PSAP: variants seen among roughly 807,000 people sequenced by gnomAD.
PSAP encodes the protein precursor of saposins.
In PSAP, 25 loss-of-function variants were observed where a neutral mutation model predicts 66.0. The observed-to-expected ratio is 0.38, with a 90% CI of 0.28 to 0.53. The LOEUF (loss-of-function observed/expected upper bound fraction) is 0.53, where lower values mean the gene tolerates loss of function less well. Ranked by LOEUF, PSAP falls within the 20% of genes least tolerant of loss-of-function variation. The probability of loss-of-function intolerance (pLI) is 0.83; values close to 1 mark genes in which losing one functional copy is unlikely to be tolerated. For synonymous variants in PSAP, 273 were observed against 258.9 expected, an observed-to-expected ratio of 1.05 and a Z score of -0.52; for missense variants, 649 against 668.8, an observed-to-expected ratio of 0.97 and a Z score of 0.33.
intron 8 of PSAP, 76 bp from the exon 9 acceptor site, chr10:71,820,411 G>C (rs2133033160): frequency 1.6e-6 from 2 of 1,235,710 alleles, no homozygotes; most frequent in Admixed American, 1.7e-5. Context: ...TAAAGGAAAG[G>C]GGACACAGAG....
chr10:71,831,703 C>A, intron 3 of PSAP, 143 bp downstream of exon 3: 1 of 835,206 alleles, frequency 1.2e-6, no homozygotes, highest in Non-Finnish European at 2.1e-6. Context: ...ACCCTAAAAT[C>A]TTTTCTCCTT....
intron 7 of PSAP, among the ~76,000 whole-genome samples, chr10:71,822,877 G>A (rs117850468): frequency 1.0e-3 from 155 of 152,152 alleles, no homozygotes; most frequent in Non-Finnish European, 1.8e-3. Flanking sequence ...AAGAAGGTTC[G>A]AGAATTAATA....
In PSAP at chr10:71,818,709, G is replaced by A. The variant is rs549060824; in HGVS notation, c.1447C>T (p.Pro483Ser). ...SFVCLKIGAC[P>S]SAHKPLLGTE... ...CCCAACAAGGGCTTATGGGCCGAGG[G>A]GCAGGCTCCAATTTTCTATATGGTG... The change falls in exon 13 of 14, where the codon CCC becomes TCC. Residue 483 changes from proline (P) to serine (S), a missense_variant. By Grantham distance (74) the Pro-to-Ser change is moderately conservative. Transcript: ENST00000394936. The A allele has an allele frequency of 5.6e-6, 9 of 1,614,054 alleles. No individual in the cohort carries two copies. The highest frequency in any genetic ancestry group is 7.6e-6 in the Non-Finnish European group (9 of 1,179,920).
At chr10:71,833,630 G>C (rs1345572050) in intron 2 of PSAP, among the ~76,000 whole-genome samples, 2 of 152,224 alleles carry the variant, frequency 1.3e-5, no homozygotes, top group African/African-American at 2.4e-5. Flanking sequence ...CGTACCACAT[G>C]ATGGCCGGCA....
In PSAP at chr10:71,828,149, C is replaced by T. The variant is rs1169242345; in HGVS notation, c.585G>A (p.Gly195=). 1.2e-6 allele frequency: 2 copies of T among 1,613,992 alleles called. No individual in the cohort carries two copies. The highest frequency in any genetic ancestry group is 1.3e-5 in the African/African-American group (1 of 74,902). ...TCTGAATGCAGTCCTGGCAAACGTC[C>T]CCATTATCCTACAGAAGAGGCAGTT... The part of the protein sequence containing the change: ...PRSKPQPKDN[G]DVCQDCIQMV... Residue 195 remains glycine, a synonymous_variant, in exon 6 of 14, where the codon GGG becomes GGA. Coordinates refer to ENST00000394936, the MANE Select transcript of PSAP (RefSeq NM_002778.4).
rs121918109 is a variant in PSAP, at chr10:71,819,527, G to A, written c.1288C>T (p.Gln430Ter). The part of the protein sequence containing the change: ...DRNLEKNSTK[Q>*]EILAALEKGC... ...TTCTCAAGAGCAGCCAGGATCTCCT[G>A]CTTGGTGCTGTTTTTCTCCAGGTTG... Residue 430 changes from glutamine (Q) to a stop codon, truncating the protein, a stop_gained, in exon 11 of 14, where the codon CAG becomes TAG. Transcript: ENST00000394936. LOFTEE classifies it high-confidence loss of function. The A allele has an allele frequency of 6.2e-7, 1 of 1,614,232 alleles. No individual in the cohort carries two copies. Among genetic ancestry groups the A allele is most frequent in the Non-Finnish European group, 8.5e-7 (1 of 1,180,042 alleles).
chr10:71,828,529 C>A (rs561659893), intron 5 of PSAP, among the ~76,000 whole-genome samples: 10 of 152,180 alleles, frequency 6.6e-5, no homozygotes, highest in African/African-American at 2.4e-4. Flanking sequence ...TTTGTACTCC[C>A]AGCTACTTAG....
chr10:71,834,715 G>A (rs1468334224), intron 1 of PSAP, among the ~76,000 whole-genome samples: 1 of 152,248 alleles, frequency 6.6e-6, no homozygotes, highest in Non-Finnish European at 1.5e-5. Flanking sequence ...AGGGACTCAT[G>A]TATCTGGTTC....
At chr10:71,822,583 G>A (rs1224042260) in intron 7 of PSAP, 6 of 472,006 alleles carry the variant, frequency 1.3e-5, no homozygotes, top group Non-Finnish European at 2.6e-5. Flanking sequence ...ATCATTTTAA[G>A]CCACAAGGTC....
At chr10:71,849,401 G>A (rs1842881813) in intron 1 of PSAP, among the ~76,000 whole-genome samples, 2 of 152,118 alleles carry the variant, frequency 1.3e-5, no homozygotes. Flanking sequence ...GTTAAAAATG[G>A]CAGCCAGCCC....
chr10:71,817,017 G>A lies in PSAP; in HGVS notation c.*424C>T. The A allele has an allele frequency of 4.0e-6, 1 of 251,750 alleles. No individual in the cohort carries two copies. Among genetic ancestry groups the A allele is most frequent in the Non-Finnish European group, 7.8e-6 (1 of 128,882 alleles). The allele number at this position is 251,750 out of a possible 1,614,324, so 15.6% of individuals were successfully genotyped here. ...CTGAGAGGCCCAGGAAAGCGGGGAG[G>A]GTCCCTGATCAGGGCAGGAGGCCAC... On this transcript the variant is annotated 3_prime_UTR_variant, in exon 14 of 14. Transcript: ENST00000394936.
rs1842468929 is a variant in PSAP, at chr10:71,829,490, T to G, written c.376-413A>C. 3.3e-5 allele frequency among the ~76,000 whole-genome samples: 5 copies of G among 152,198 alleles called. No individual in the cohort carries two copies. In the South Asian group the frequency reaches 8.3e-4, roughly 25 times the overall value. On this transcript the variant is annotated intron_variant, in intron 4 of 13. Transcript: ENST00000394936. Reference sequence around the variant, plus strand: ...TAAAGGGCAGTTCCCCTGCACATGCTCTCTTGCCTGCTGCCATGTAAGATG... The same window carrying G: ...TAAAGGGCAGTTCCCCTGCACATGCGCTCTTGCCTGCTGCCATGTAAGATG...
intron 1 of PSAP, among the ~76,000 whole-genome samples, chr10:71,850,103 T>C: frequency 6.6e-6 from 1 of 152,182 alleles, no homozygotes; most frequent in East Asian, 1.9e-4. Context: ...TTCCTTGCCA[T>C]ACCTTGAAAT....
chr10:71,830,230 C>T (rs1390794900), intron 4 of PSAP, among the ~76,000 whole-genome samples: 1 of 152,164 alleles, frequency 6.6e-6, no homozygotes, highest in Non-Finnish European at 1.5e-5. Context: ...CAAATAACTC[C>T]ACCTTTATCT....
chr10:71,849,429 A>AC (rs1842882147), intron 1 of PSAP, among the ~76,000 whole-genome samples: 1 of 152,206 alleles, frequency 6.6e-6, no homozygotes, highest in Non-Finnish European at 1.5e-5. Context: ...ACATATAGTT[A>AC]CTAAAAAACA....
At chr10:71,820,469 ATGGCGTG>A in intron 8 of PSAP, 134 bp from the exon 9 acceptor site, 1 of 745,528 alleles carries the variant, frequency 1.3e-6, no homozygotes, top group Non-Finnish European at 2.5e-6. Flanking sequence ...TGAATTCCAA[ATGGCGTG>A]TGGCTTCTAA....
At position 71,851,229 on chromosome 10, in the gene PSAP, T is replaced by G; in HGVS notation, c.-8A>C. 6.4e-7 allele frequency: 1 copy of G among 1,551,034 alleles called. No homozygotes were observed. Among genetic ancestry groups the G allele is most frequent in the Admixed American group, 2.0e-5 (1 of 51,004 alleles). On this transcript the variant is annotated 5_prime_UTR_variant, in exon 1 of 14. Transcript: ENST00000394936. ...GAGGAAGAGGGCGTACATAGCGCCG[T>G]CTGACTCCGCAGTCTGCAATGCGGA... is the stretch of plus-strand genomic sequence containing the variant.
At chr10:71,832,504 T>C (rs1203644328) in intron 2 of PSAP, among the ~76,000 whole-genome samples, 2 of 152,218 alleles carry the variant, frequency 1.3e-5, no homozygotes, top group African/African-American at 2.4e-5. Flanking sequence ...CAACTGACTT[T>C]CCATCCATGG....
rs751363232 is a variant in PSAP at position 71,819,414 on chromosome 10, C to T, written c.1350+51G>A. ...CAAAATGTACCCCAGCCTTGGCATA[C>T]TTCATCAGGTTCTGCCATGCTGGCC... is the stretch of plus-strand genomic sequence containing the variant. On this transcript the variant is annotated intron_variant, in intron 11 of 13. Coordinates refer to ENST00000394936, the MANE Select transcript of PSAP (RefSeq NM_002778.4). 1.3e-5 allele frequency: 21 copies of T among 1,608,498 alleles called. No homozygotes were observed. In the South Asian group the frequency reaches 2.2e-4, roughly 17 times the overall value.
Sources: gnomAD v4.1 joint callset for allele counts (sites outside exome capture counted in the v4.1 genomes callset) on GRCh38, gnomAD v4.1.1 for gene constraint, MANE v1.5 for transcripts, NCBI Gene and HGNC (gene_info 2026-07-23, HGNC 2026-07-21) for gene names.